The following GNAL variants were observed in gnomAD, a reference collection of about 807,000 sequenced individuals.
GNAL encodes the protein guanine nucleotide-binding protein G(olf) subunit alpha.
In GNAL, 18 loss-of-function variants were observed where a neutral mutation model predicts 55.1. The observed-to-expected ratio is 0.33, with a 90% CI of 0.23 to 0.48. The LOEUF is 0.48. GNAL is among the 20% of genes least tolerant of loss of function. The probability of loss-of-function intolerance (pLI) is 0.99; values close to 1 mark genes in which losing one functional copy is unlikely to be tolerated. For synonymous variants in GNAL, 253 were observed against 237.0 expected (o/e 1.07, Z -0.62); for missense variants, 412 against 614.1 (o/e 0.67, Z 3.48).
chr18:11,867,317 A>G lies in GNAL; in HGVS notation c.910+91A>G, dbSNP rs112081638. 9 of 800,106 alleles carry G rather than the reference A, an allele frequency of 1.1e-5. No individual in the cohort carries two copies. In the African/African-American group the frequency reaches 1.2e-4, roughly 11 times the overall value. 49.6% of individuals were successfully genotyped at this position (800,106 alleles called of 1,614,324 possible). ...ACTATTCTTGAATTAGATAATCTCT[A>G]ACTAATATGTAAAGTATAGCATTTA... On this transcript the variant is annotated intron_variant, in intron 8 of 11. Transcript: ENST00000334049.
At chr18:11,709,247 GTTC>G (rs2031782158) in intron 1 of GNAL, among the ~76,000 whole-genome samples, 1 of 145,800 alleles carries the variant, frequency 6.9e-6, no homozygotes, top group Non-Finnish European at 1.5e-5. Flanking sequence ...TTCTAGCTTT[GTTC>G]TTCTTTCTCA....
rs1230800268 is a variant in GNAL at position 11,752,089 on chromosome 18, C to G, written c.377-764C>G. 2.4e-5 allele frequency: 4 copies of G among 169,902 alleles called. No homozygotes were observed. In the East Asian group the frequency reaches 6.7e-4, roughly 28 times the overall value. The allele number at this position is 169,902 out of a possible 1,614,324, so 10.5% of individuals were successfully genotyped here. On this transcript the variant is annotated intron_variant, in intron 1 of 11. Transcript: ENST00000334049. The surrounding 1 kb of genome is among the most constrained non-coding windows in gnomAD (Gnocchi z 4.5). ...GCGGGCGAAGGGACGTGGGGCGAAC[C>G]CGGGGCGCTGCGCCACCTCGGCTGT...
intron 6 of GNAL, among the ~76,000 whole-genome samples, chr18:11,863,121 C>A (rs1040108440): frequency 2.3e-4 from 35 of 152,180 alleles, no homozygotes; most frequent in African/African-American, 8.4e-4. Flanking sequence ...TCAAGTGATA[C>A]ACCTGCCTTG....
intron 1 of GNAL, among the ~76,000 whole-genome samples, chr18:11,715,474 A>AAG: frequency 6.6e-6 from 1 of 151,820 alleles, no homozygotes; most frequent in African/African-American, 2.4e-5. Flanking sequence ...AAAAAAAAAA[A>AAG]AAAAGAAAAG....
chr18:11,739,991 G>A (rs532341577), intron 1 of GNAL, among the ~76,000 whole-genome samples: 1 of 152,088 alleles, frequency 6.6e-6, no homozygotes, highest in South Asian at 2.1e-4. Context: ...CCCCACAGTG[G>A]TCGAAAAGGA....
intron 4 of GNAL, among the ~76,000 whole-genome samples, chr18:11,754,411 C>A (rs2032970039): frequency 6.7e-6 from 1 of 150,156 alleles, no homozygotes; most frequent in African/African-American, 2.5e-5. Context: ...AGCGAGACTC[C>A]CATCTCAAAA....
rs146752134 is a variant in GNAL at position 11,809,779 on chromosome 18, T to C, written c.625-15139T>C. On this transcript the variant is annotated intron_variant, in intron 4 of 11. Coordinates refer to ENST00000334049, the MANE Select transcript of GNAL (RefSeq NM_182978.4). Reference sequence around the variant, plus strand: ...AATAGAAAGAGGGAAAATGTAAAACTTGAAATATTTGAGTCCAAGAACTGG... The same window carrying C: ...AATAGAAAGAGGGAAAATGTAAAACCTGAAATATTTGAGTCCAAGAACTGG... Among the ~76,000 whole-genome samples the C allele has an allele frequency of 1.4e-4, 22 of 152,312 alleles. No individual in the cohort carries two copies. In the East Asian group the frequency reaches 4.2e-3, roughly 29 times the overall value.
At chr18:11,742,101 G>A (rs898227378) in intron 1 of GNAL, among the ~76,000 whole-genome samples, 3 of 151,982 alleles carry the variant, frequency 2.0e-5, no homozygotes, top group African/African-American at 7.3e-5. Context: ...TTACCCATTC[G>A]CCCATCACAT....
chr18:11,832,584 G>A (rs1429608456), intron 5 of GNAL, among the ~76,000 whole-genome samples: 8 of 152,132 alleles, frequency 5.3e-5, no homozygotes, highest in South Asian at 2.1e-4. Context: ...TTGACCTGGC[G>A]CGGTGGCTCA....
chr18:11,763,935 G>T (rs1175950823), intron 4 of GNAL, among the ~76,000 whole-genome samples: 1 of 152,106 alleles, frequency 6.6e-6, no homozygotes, highest in Non-Finnish European at 1.5e-5. Context: ...TGTATTTGGA[G>T]CAACAGCAGA....
At chr18:11,848,444 TTC>T (rs1222091327) in intron 5 of GNAL, among the ~76,000 whole-genome samples, 1 of 151,726 alleles carries the variant, frequency 6.6e-6, no homozygotes, top group Non-Finnish European at 1.5e-5. Context: ...ACCATACTTT[TTC>T]TTTTTTTTTC....
intron 4 of GNAL, among the ~76,000 whole-genome samples, chr18:11,819,512 A>C (rs1379204396): frequency 6.6e-6 from 1 of 152,132 alleles, no homozygotes; most frequent in Non-Finnish European, 1.5e-5. Context: ...ATCCCTTTGA[A>C]TATAAATAAC....
chr18:11,817,012 C>CA (rs1249128790), intron 4 of GNAL, among the ~76,000 whole-genome samples: 24 of 151,912 alleles, frequency 1.6e-4, no homozygotes, highest in Non-Finnish European at 1.5e-5. Flanking sequence ...GGCTTGGCTC[C>CA]AAAGGAGGAT....
Position 11,876,431 on chromosome 18 carries a change from C to A in GNAL, c.1163-190C>A, listed in dbSNP as rs753651595. 2.2e-4 allele frequency among the ~76,000 whole-genome samples: 34 copies of A among 151,954 alleles called. 2 individuals are homozygous for A. Among genetic ancestry groups the A allele is most frequent in the Non-Finnish European group, 5.9e-5 (4 of 67,992 alleles). Reference sequence around the variant, plus strand: ...TGAGCCGAGATCATGCCACTGCACTCCAGCCTGGGCAAGAGAGTGAGACTC... The same window carrying A: ...TGAGCCGAGATCATGCCACTGCACTACAGCCTGGGCAAGAGAGTGAGACTC... On this transcript the variant is annotated intron_variant, in intron 10 of 11. Transcript: ENST00000334049.
chr18:11,746,121 C>T (rs1444033484), intron 1 of GNAL: 5 of 532,510 alleles, frequency 9.4e-6, no homozygotes, highest in Non-Finnish European at 1.9e-5. Context: ...AAAAGTGGAG[C>T]CTTTTGTTCT....
At chr18:11,696,876 A>T (rs116133520) in intron 1 of GNAL, among the ~76,000 whole-genome samples, 3,835 of 152,056 alleles carry the variant, frequency 0.025, 63 homozygotes, top group African/African-American at 0.036. Context: ...GTATCCTGTG[A>T]CCCACTAAAA....
At chr18:11,786,436 C>CTTTTTTTTTTTTTTTTTTT (rs66803403) in intron 4 of GNAL, among the ~76,000 whole-genome samples, 1 of 60,616 alleles carries the variant, frequency 1.6e-5, no homozygotes, top group Non-Finnish European at 2.8e-5. Flanking sequence ...CATACGTTTT[C>CTTTTTTTTTTTTTTTTTTT]TTTTTTTTTT....
Position 11,885,596 on chromosome 18 carries a change from T to G in GNAL, c.*4461T>G, listed in dbSNP as rs1004795748. 1 of 1,505,804 alleles carries G rather than the reference T, an allele frequency of 6.6e-7. No individual in the cohort carries two copies. Among genetic ancestry groups the G allele is most frequent in the Non-Finnish European group, 9.1e-7 (1 of 1,103,320 alleles). The allele number at this position is 1,505,804 out of a possible 1,614,324, so 93.3% of individuals were successfully genotyped here. A position where few individuals can be genotyped will look rare whatever the true frequency, so the allele number is the denominator to read the frequency against. On this transcript the variant is annotated 3_prime_UTR_variant, in exon 12 of 12. Transcript: ENST00000334049. ...GTGGCTTTTGTAAATTTTGACCGAT[T>G]GCAGCAATTAAATAGTTGATTACTG...
intron 5 of GNAL, among the ~76,000 whole-genome samples, chr18:11,844,768 C>G (rs961371432): frequency 2.6e-5 from 4 of 152,176 alleles, no homozygotes; most frequent in South Asian, 2.1e-4. Flanking sequence ...AGGTGCTCCC[C>G]GAGGAGGACG....
Sources: gnomAD v4.1 joint callset for allele counts (sites outside exome capture counted in the v4.1 genomes callset) on GRCh38, gnomAD v4.1.1 for gene constraint, Gnocchi (gnomAD v3.1) non-coding constraint, MANE v1.5 for transcripts, NCBI Gene and HGNC (gene_info 2026-07-23, HGNC 2026-07-21) for gene names.